The following FAM240B variants were observed in gnomAD, a reference collection of about 807,000 sequenced individuals.
FAM240B encodes the protein family with sequence similarity 240 member B.
chr9:38,709,970 A>G (rs1343531181), intron 1 of FAM240B, among the ~76,000 whole-genome samples: 1 of 152,032 alleles, frequency 6.6e-6, no homozygotes, highest in Non-Finnish European at 1.5e-5. Context: ...TGTGCTCTTG[A>G]TGTCTTTTTG....
At chr9:38,712,883 T>C (rs1038878367) in intron 1 of FAM240B, among the ~76,000 whole-genome samples, 6 of 152,196 alleles carry the variant, frequency 3.9e-5, no homozygotes, top group Non-Finnish European at 8.8e-5. Flanking sequence ...CCAAAAGTCC[T>C]GTCTTCACCC....
At chr9:38,715,052 C>A (rs1314565483) in intron 1 of FAM240B, among the ~76,000 whole-genome samples, 1 of 152,210 alleles carries the variant, frequency 6.6e-6, no homozygotes, top group Non-Finnish European at 1.5e-5. Flanking sequence ...ATCTTTGTAA[C>A]TTTCTCTAAA....
chr9:38,706,883 A>C (rs922955117), intron 1 of FAM240B, among the ~76,000 whole-genome samples: 1 of 152,214 alleles, frequency 6.6e-6, no homozygotes. Flanking sequence ...CTGATTTTAC[A>C]TTTTCATTCA....
At chr9:38,699,514 C>T (rs1372011031) in intron 2 of FAM240B, among the ~76,000 whole-genome samples, 1 of 152,206 alleles carries the variant, frequency 6.6e-6, no homozygotes, top group Admixed American at 6.5e-5. Flanking sequence ...ACCCAACCCA[C>T]AGCACAGTTC....
At chr9:38,709,418 A>T (rs1821226477) in intron 1 of FAM240B, among the ~76,000 whole-genome samples, 1 of 152,242 alleles carries the variant, frequency 6.6e-6, no homozygotes, top group African/African-American at 2.4e-5. Flanking sequence ...ATAAGGCAGG[A>T]AACAGGAAAT....
intron 1 of FAM240B, among the ~76,000 whole-genome samples, chr9:38,715,868 C>T (rs10511953): frequency 0.67 from 102,291 of 151,936 alleles, 34,855 homozygotes; most frequent in African/African-American, 0.71. Flanking sequence ...CACATAGAGT[C>T]GAAATAAAAC....
rs1018401942 is a variant in FAM240B at position 38,696,651 on chromosome 9, C to CA, written c.144-1783dup. Among the ~76,000 whole-genome samples the CA allele has an allele frequency of 7.8e-4, 117 of 150,372 alleles. No individual in the cohort carries two copies. In the Middle Eastern group the frequency reaches 0.01, roughly 13 times the overall value. ...GGTGAAACCCCACCTCTACTAAAAA[C>CA]AAAAAAAAATAAATTAGCTGGGCAT... On this transcript the variant is annotated intron_variant, in intron 2 of 2. Coordinates refer to ENST00000637493, the MANE Select transcript of FAM240B (RefSeq NM_001394922.1).
intron 2 of FAM240B, among the ~76,000 whole-genome samples, chr9:38,703,147 C>A (rs935233659): frequency 6.6e-6 from 1 of 152,154 alleles, no homozygotes; most frequent in African/African-American, 2.4e-5. Context: ...GGTGGAAAAA[C>A]CCTGGTATAC....
intron 1 of FAM240B, 50 bp from the exon 2 acceptor site, chr9:38,704,052 T>A (rs1225249183): frequency 2.5e-6 from 1 of 397,812 alleles, no homozygotes; most frequent in Non-Finnish European, 4.4e-6. Flanking sequence ...AAAGCCACTC[T>A]AGGTTTGGAG....
intron 1 of FAM240B, among the ~76,000 whole-genome samples, chr9:38,707,318 G>A (rs1219460042): frequency 2.6e-5 from 4 of 152,212 alleles, no homozygotes; most frequent in African/African-American, 9.6e-5. Context: ...ACATCCGCAC[G>A]GCATTTTACA....
At chr9:38,715,990 A>T (rs2119015286) in intron 1 of FAM240B, among the ~76,000 whole-genome samples, 1 of 152,306 alleles carries the variant, frequency 6.6e-6, no homozygotes, top group Non-Finnish European at 1.5e-5. Flanking sequence ...CTTAATTGTG[A>T]CTAGAAGGGA....
chr9:38,703,834 T>C (rs1158657225), intron 2 of FAM240B, 23 bp downstream of exon 2: 2 of 400,088 alleles, frequency 5.0e-6, no homozygotes, highest in Non-Finnish European at 8.8e-6. Flanking sequence ...TTAAAAGTAA[T>C]AACAGAGAAA....
rs1303524476 is a variant in FAM240B, at chr9:38,703,887, T to C, written c.113A>G (p.Glu38Gly). 1.0e-5 allele frequency: 4 copies of C among 400,442 alleles called. No individual in the cohort carries two copies. The East Asian group carries it at 1.4e-4, about 14-fold the overall frequency. 24.8% of individuals were successfully genotyped at this position (400,442 alleles called of 1,614,324 possible). ...SKQTFYRELE[E>G]DRQERSALKK... ...CAGGGCGCTTCTTTCTTGACGATCTTCCTCCAGTTCTCGGTAAAAAGTCTG... is the reference window on the plus strand; with the variant it reads ...CAGGGCGCTTCTTTCTTGACGATCTCCCTCCAGTTCTCGGTAAAAAGTCTG... Residue 38 changes from glutamate (E) to glycine (G), a missense_variant, in exon 2 of 3, where the codon GAA becomes GGA. Coordinates refer to ENST00000637493, the MANE Select transcript of FAM240B (RefSeq NM_001394922.1).
chr9:38,708,508 G>A (rs1355386602), intron 1 of FAM240B, among the ~76,000 whole-genome samples: 1 of 152,224 alleles, frequency 6.6e-6, no homozygotes, highest in Non-Finnish European at 1.5e-5. Flanking sequence ...CAGGCCAGGA[G>A]GCTGCATCCT....
At chr9:38,715,041 T>C (rs1243580386) in intron 1 of FAM240B, among the ~76,000 whole-genome samples, 1 of 152,258 alleles carries the variant, frequency 6.6e-6, no homozygotes, top group Non-Finnish European at 1.5e-5. Flanking sequence ...CACTCTGTAC[T>C]ATCTTTGTAA....
intron 1 of FAM240B, among the ~76,000 whole-genome samples, chr9:38,707,036 G>A (rs1215985568): frequency 6.6e-6 from 1 of 152,188 alleles, no homozygotes; most frequent in Non-Finnish European, 1.5e-5. Flanking sequence ...TTTTAACTGC[G>A]AGGAAGGTGT....
chr9:38,700,685 A>C (rs1161572336), intron 2 of FAM240B, among the ~76,000 whole-genome samples: 1 of 152,234 alleles, frequency 6.6e-6, no homozygotes, highest in African/African-American at 2.4e-5. Flanking sequence ...TGCCTCAATC[A>C]GTTGTTTGCA....
chr9:38,695,423 G>T (rs1357337022), intron 2 of FAM240B, among the ~76,000 whole-genome samples: 2 of 152,214 alleles, frequency 1.3e-5, no homozygotes, highest in Non-Finnish European at 1.5e-5. Context: ...TACTGGGGAG[G>T]CTGAGATGGG....
chr9:38,710,253 C>T (rs1440625150), intron 1 of FAM240B, among the ~76,000 whole-genome samples: 4 of 152,136 alleles, frequency 2.6e-5, no homozygotes, highest in Non-Finnish European at 5.9e-5. Context: ...CAGGTGTGAG[C>T]CCACAGCGCT....
Sources: allele counts gnomAD v4.1 joint callset (sites outside exome capture counted in the v4.1 genomes callset), GRCh38; gene constraint gnomAD v4.1.1; transcripts MANE v1.5; gene names NCBI Gene and HGNC (gene_info 2026-07-23, HGNC 2026-07-21).